The following MARCHF1 variants were observed in gnomAD, a reference collection of about 807,000 sequenced individuals.
MARCHF1 encodes membrane associated ring-CH-type finger 1.
MARCHF1 carries 40 observed loss-of-function variants against 54.2 expected under a neutral mutation model. That is an observed-to-expected ratio of 0.74 (90% confidence interval 0.57 to 0.96). The LOEUF (loss-of-function observed/expected upper bound fraction) is 0.96, where lower values mean the gene tolerates loss of function less well. Among genes scored for constraint, MARCHF1 ranks in the 40% least tolerant of loss-of-function variants. The probability of loss-of-function intolerance (pLI) is 0.00; values close to 1 mark genes in which losing one functional copy is unlikely to be tolerated. For missense variants in MARCHF1, 586 were observed against 656.5 expected, an observed-to-expected ratio of 0.89 and a Z score of 1.17; for synonymous variants, 236 against 236.3, an observed-to-expected ratio of 1.00 and a Z score of 0.01.
At chr4:163,720,036 A>G (rs1182469465) in intron 4 of MARCHF1, among the ~76,000 whole-genome samples, 1 of 152,026 alleles carries the variant, frequency 6.6e-6, no homozygotes, top group Non-Finnish European at 1.5e-5. Flanking sequence ...GTTTAATTAG[A>G]TCCCATTTGT....
At chr4:163,880,155 A>G (rs904141013) in intron 3 of MARCHF1, among the ~76,000 whole-genome samples, 1 of 151,780 alleles carries the variant, frequency 6.6e-6, no homozygotes, top group African/African-American at 2.4e-5. Context: ...TTAAATTTAC[A>G]TACATATGCA....
At chr4:163,541,063 G>C (rs1738707503) in intron 9 of MARCHF1, among the ~76,000 whole-genome samples, 2 of 152,166 alleles carry the variant, frequency 1.3e-5, no homozygotes, top group Admixed American at 6.5e-5. Flanking sequence ...GACCAAGGGA[G>C]AGCTAGAACC....
intron 3 of MARCHF1, among the ~76,000 whole-genome samples, chr4:163,902,690 T>G (rs1750967771): frequency 6.6e-6 from 1 of 152,204 alleles, no homozygotes; most frequent in South Asian, 2.1e-4. Flanking sequence ...TTAGTCTTTC[T>G]ATCAAAAGGA....
chr4:163,626,325 T>A (rs1324098785), intron 5 of MARCHF1, among the ~76,000 whole-genome samples: 1 of 152,194 alleles, frequency 6.6e-6, no homozygotes, highest in Non-Finnish European at 1.5e-5. Context: ...GCCTTGGCAT[T>A]TTGAAAATTA....
chr4:163,782,111 G>A (rs952687008), intron 4 of MARCHF1, among the ~76,000 whole-genome samples: 29 of 53,428 alleles, frequency 5.4e-4, no homozygotes, highest in African/African-American at 1.0e-3. Context: ...ATATTTAACT[G>A]CCCAGAAAAA....
At chr4:163,955,886 T>C (rs1020117644) in intron 3 of MARCHF1, among the ~76,000 whole-genome samples, 3 of 152,114 alleles carry the variant, frequency 2.0e-5, no homozygotes, top group African/African-American at 7.2e-5. Flanking sequence ...ACATGTATTT[T>C]GAACACAGAT....
intron 5 of MARCHF1, among the ~76,000 whole-genome samples, chr4:163,647,771 A>T (rs1421059121): frequency 6.6e-6 from 1 of 151,878 alleles, no homozygotes; most frequent in South Asian, 2.1e-4. Context: ...GTTCTGTGAC[A>T]AAAGTTTATA....
At chr4:163,819,516 A>C (rs1748633718) in intron 4 of MARCHF1, among the ~76,000 whole-genome samples, 1 of 152,102 alleles carries the variant, frequency 6.6e-6, no homozygotes, top group Admixed American at 6.6e-5. Flanking sequence ...ACTTTCTGTA[A>C]GCCTTACTTT....
intron 4 of MARCHF1, among the ~76,000 whole-genome samples, chr4:163,739,203 A>G (rs1377310053): frequency 6.6e-6 from 1 of 152,192 alleles, no homozygotes; most frequent in Non-Finnish European, 1.5e-5. Flanking sequence ...CTTTATCAAC[A>G]CATTGAGTGG....
At position 164,095,631 on chromosome 4, in the gene MARCHF1, C is replaced by T. The variant is rs377318910; in HGVS notation, c.-248+15957G>A. Among the ~76,000 whole-genome samples, 37 of 152,148 alleles carry T rather than the reference C, an allele frequency of 2.4e-4. 1 individual carries two copies. Among genetic ancestry groups the T allele is most frequent in the African/African-American group, 8.2e-4 (34 of 41,522 alleles). ...TCACTAATTATAGTTTCATTATGAA[C>T]TGTATCTGTTACTGTAAAAAAGTAA... On this transcript the variant is annotated intron_variant, in intron 2 of 9. Coordinates refer to ENST00000514618, the MANE Select transcript of MARCHF1 (RefSeq NM_001394959.1).
chr4:164,085,596 G>A (rs1044320407), intron 2 of MARCHF1, among the ~76,000 whole-genome samples: 1 of 151,760 alleles, frequency 6.6e-6, no homozygotes, highest in African/African-American at 2.4e-5. Flanking sequence ...CATTTCATTT[G>A]CCAAATACTC....
intron 3 of MARCHF1, among the ~76,000 whole-genome samples, chr4:163,953,970 A>G (rs1752184255): frequency 6.6e-6 from 1 of 152,176 alleles, no homozygotes; most frequent in South Asian, 2.1e-4. Context: ...ATTAATACCA[A>G]TAAAAAACTA....
chr4:164,002,247 A>T (rs143473023), intron 2 of MARCHF1, among the ~76,000 whole-genome samples: 8 of 151,716 alleles, frequency 5.3e-5, no homozygotes, highest in African/African-American at 1.9e-4. Flanking sequence ...CTTAATCACG[A>T]TTAAGGTCAG....
intron 3 of MARCHF1, among the ~76,000 whole-genome samples, chr4:163,906,647 G>C (rs574387752): frequency 6.6e-6 from 1 of 151,462 alleles, no homozygotes; most frequent in Non-Finnish European, 1.5e-5. Flanking sequence ...GCATCTTTTT[G>C]CATTTTAGTT....
intron 5 of MARCHF1, among the ~76,000 whole-genome samples, chr4:163,628,302 A>G (rs1741944563): frequency 1.3e-5 from 2 of 152,224 alleles, no homozygotes; most frequent in Admixed American, 6.5e-5. Flanking sequence ...CAACGACAAA[A>G]ACCACATGAT....
chr4:164,295,447 AACACACACACAC>A (rs5863675), intron 1 of MARCHF1, among the ~76,000 whole-genome samples: 1 of 150,796 alleles, frequency 6.6e-6, no homozygotes, highest in East Asian at 2.0e-4. Flanking sequence ...CATACACACA[AACACACACACAC>A]ACACACACAA....
At chr4:163,904,851 T>C (rs1363625266) in intron 3 of MARCHF1, among the ~76,000 whole-genome samples, 2 of 152,076 alleles carry the variant, frequency 1.3e-5, no homozygotes, top group Admixed American at 6.6e-5. Context: ...ATAAAATAAC[T>C]GTGAATCTCC....
chr4:164,211,668 T>A (rs988930860), intron 1 of MARCHF1, among the ~76,000 whole-genome samples: 49 of 152,060 alleles, frequency 3.2e-4, no homozygotes, highest in Non-Finnish European at 6.3e-4. Flanking sequence ...TTTGCCCTCA[T>A]GTTCTTATAT....
rs144152870 is a variant in MARCHF1, at chr4:164,261,679, G to A, written c.-323+122191C>T. On this transcript the variant is annotated intron_variant, in intron 1 of 9. Transcript: ENST00000514618. ...TTCCCATCAGCTCTTCAAAGAACTGGCTCCTTTAAGTATTTGGTCTCAGTT... is the reference window on the plus strand; with the variant it reads ...TTCCCATCAGCTCTTCAAAGAACTGACTCCTTTAAGTATTTGGTCTCAGTT... 2.0e-4 allele frequency among the ~76,000 whole-genome samples: 30 copies of A among 152,154 alleles called. 1 individual carries two copies. In the East Asian group the frequency reaches 5.4e-3, roughly 27 times the overall value.
Sources: allele counts gnomAD v4.1 joint callset (sites outside exome capture counted in the v4.1 genomes callset), GRCh38; gene constraint gnomAD v4.1.1; transcripts MANE v1.5; gene names NCBI Gene and HGNC (gene_info 2026-07-23, HGNC 2026-07-21).